JPH3: variants seen among roughly 807,000 people sequenced by gnomAD.
JPH3 encodes the protein junctophilin 3.
A neutral mutation model predicts 59.6 loss-of-function variants in JPH3; 11 were observed. The observed-to-expected ratio is 0.18, with a 90% CI of 0.12 to 0.31. JPH3 has a LOEUF of 0.31. Ranked by LOEUF, JPH3 falls within the 10% of genes least tolerant of loss-of-function variation. The pLI is 1.00. For synonymous variants in JPH3, 673 were observed against 483.6 expected (o/e 1.39, Z -5.14); for missense variants, 1,202 against 1,105.7 (o/e 1.09, Z -1.24).
rs144619092 is a variant in JPH3, at chr16:87,682,425, C to G, written c.1161-1717C>G. On this transcript the variant is annotated intron_variant, in intron 2 of 4. Transcript: ENST00000284262. ...AATCCTCACCACCAGGGCGATGGTG[C>G]TAGGATGTGGGGCCTTTGGGAGGTG... Among the ~76,000 whole-genome samples, 16 of 152,186 alleles carry G rather than the reference C, an allele frequency of 1.1e-4. 1 individual carries two copies. The East Asian group carries it at 2.5e-3, about 24-fold the overall frequency.
chr16:87,686,810 T>G (rs1433321473), intron 3 of JPH3, among the ~76,000 whole-genome samples: 1 of 152,202 alleles, frequency 6.6e-6, no homozygotes, highest in Non-Finnish European at 1.5e-5. Context: ...ACAGTTCTTG[T>G]CTTCATGATA....
chr16:87,604,245 A>G, intron 1 of JPH3: 2 of 1,448,972 alleles, frequency 1.4e-6, no homozygotes, highest in African/African-American at 1.4e-5. Flanking sequence ...CTAAGATGCC[A>G]CCGCATTCGG....
intron 2 of JPH3, among the ~76,000 whole-genome samples, chr16:87,672,757 T>A (rs563535380): frequency 4.9e-4 from 75 of 152,058 alleles, no homozygotes; most frequent in African/African-American, 1.7e-3. Context: ...GCGGAATGGG[T>A]GGTTGATTAA....
At chr16:87,679,189 A>G (rs2033224247) in intron 2 of JPH3, among the ~76,000 whole-genome samples, 1 of 152,152 alleles carries the variant, frequency 6.6e-6, no homozygotes, top group South Asian at 2.1e-4. Context: ...AGTCCGAGAA[A>G]CTGGACCTGC....
At chr16:87,653,068 GC>G (rs149944689) in intron 2 of JPH3, among the ~76,000 whole-genome samples, 10 of 144,806 alleles carry the variant, frequency 6.9e-5, no homozygotes, top group South Asian at 6.3e-4. Flanking sequence ...GTCAGTGCCT[GC>G]GGGGGGGACT....
chr16:87,639,388 G>A (rs963618799), intron 1 of JPH3, among the ~76,000 whole-genome samples: 1 of 152,194 alleles, frequency 6.6e-6, no homozygotes, highest in Non-Finnish European at 1.5e-5. Context: ...CCTGCATGAA[G>A]CTCCTGGTGG....
chr16:87,637,485 C>T (rs2031795228), intron 1 of JPH3, among the ~76,000 whole-genome samples: 2 of 151,660 alleles, frequency 1.3e-5, no homozygotes, highest in South Asian at 4.2e-4. Context: ...TCTCATTTTG[C>T]GCCGGTGTTG....
intron 1 of JPH3, among the ~76,000 whole-genome samples, chr16:87,613,461 C>A (rs1268542861): frequency 6.6e-6 from 1 of 152,044 alleles, no homozygotes; most frequent in African/African-American, 2.4e-5. Context: ...GCTGGGATTA[C>A]AGGTGCCCAC....
intron 2 of JPH3, among the ~76,000 whole-genome samples, chr16:87,658,359 C>A (rs965675468): frequency 6.6e-6 from 1 of 151,616 alleles, no homozygotes; most frequent in African/African-American, 2.4e-5. Context: ...TCTCCTTCTC[C>A]CCGCTTCTCC....
chr16:87,661,783 G>A (rs1268867535), intron 2 of JPH3, among the ~76,000 whole-genome samples: 3 of 152,248 alleles, frequency 2.0e-5, no homozygotes, highest in Non-Finnish European at 4.4e-5. Context: ...CGACTTAGAA[G>A]GGGAACATAC....
intron 2 of JPH3, among the ~76,000 whole-genome samples, chr16:87,649,286 G>A (rs1344607932): frequency 6.6e-6 from 1 of 152,222 alleles, no homozygotes; most frequent in Non-Finnish European, 1.5e-5. Context: ...TCGCCTAGCA[G>A]TGCACCACAG....
chr16:87,638,368 C>T (rs113470963), intron 1 of JPH3, among the ~76,000 whole-genome samples: 5,652 of 152,258 alleles, frequency 0.037, 118 homozygotes, highest in South Asian at 0.054. Flanking sequence ...GTTCACTGGA[C>T]ACCTAAGTGC....
rs183332318 is a variant in JPH3 at position 87,675,778 on chromosome 16, C to T, written c.1161-8364C>T. 1.4e-3 allele frequency among the ~76,000 whole-genome samples: 209 copies of T among 152,318 alleles called. 1 individual carries two copies. Among genetic ancestry groups the T allele is most frequent in the Non-Finnish European group, 1.7e-3 (116 of 68,032 alleles). On this transcript the variant is annotated intron_variant, in intron 2 of 4. Coordinates refer to ENST00000284262, the MANE Select transcript of JPH3 (RefSeq NM_020655.4). ...GGGTGCCTGCTGCCCAGGCCCTGTTCCCCAGCACTGCTTCTGACCCAGGAG... is the reference window on the plus strand; with the variant it reads ...GGGTGCCTGCTGCCCAGGCCCTGTTTCCCAGCACTGCTTCTGACCCAGGAG...
In JPH3 at chr16:87,603,337, C is replaced by T; in HGVS notation, c.191C>T (p.Thr64Ile). Reference sequence around the variant, plus strand: ...CCCAGCGGCAACACGTACCAGGGCACCTGGGCGCAGGGCAAGCGCCACGGC... The same window carrying T: ...CCCAGCGGCAACACGTACCAGGGCATCTGGGCGCAGGGCAAGCGCCACGGC... ...TWPSGNTYQG[T>I]WAQGKRHGIG... Residue 64 changes from threonine to isoleucine, a missense_variant, in exon 1 of 5, where the codon ACC (threonine) becomes ATC (isoleucine). Thr to Ile is a moderately conservative substitution (Grantham distance 89). Coordinates refer to ENST00000284262, the MANE Select transcript of JPH3 (RefSeq NM_020655.4). The T allele has an allele frequency of 6.2e-7, 1 of 1,613,036 alleles. No individual in the cohort carries two copies. Among genetic ancestry groups the T allele is most frequent in the Non-Finnish European group, 8.5e-7 (1 of 1,179,662 alleles).
At chr16:87,678,011 G>A (rs1384204394) in intron 2 of JPH3, among the ~76,000 whole-genome samples, 1 of 152,308 alleles carries the variant, frequency 6.6e-6, no homozygotes, top group East Asian at 1.9e-4. Context: ...CCAGCACTTT[G>A]GGAGGCCAAG....
At chr16:87,672,805 T>G in intron 2 of JPH3, among the ~76,000 whole-genome samples, 1 of 152,138 alleles carries the variant, frequency 6.6e-6, no homozygotes, top group African/African-American at 2.4e-5. Flanking sequence ...TGGGGAAAGG[T>G]AAAGCTGGAT....
At chr16:87,673,185 C>T (rs572089981) in intron 2 of JPH3, among the ~76,000 whole-genome samples, 2 of 151,748 alleles carry the variant, frequency 1.3e-5, no homozygotes, top group Non-Finnish European at 2.9e-5. Flanking sequence ...ATAATAAAAG[C>T]TGGTTTCCTT....
intron 1 of JPH3, among the ~76,000 whole-genome samples, chr16:87,623,373 A>C (rs1260337041): frequency 6.6e-6 from 1 of 152,140 alleles, no homozygotes; most frequent in East Asian, 1.9e-4. Flanking sequence ...CGTGAGGCTC[A>C]TGGGGGGCTC....
intron 2 of JPH3, among the ~76,000 whole-genome samples, chr16:87,652,038 G>A (rs538531250): frequency 2.8e-4 from 43 of 151,012 alleles, no homozygotes; most frequent in African/African-American, 9.0e-4. Context: ...GCAGTGGCAC[G>A]ATCTTGGCTC....
Sources: gnomAD v4.1 joint callset for allele counts (sites outside exome capture counted in the v4.1 genomes callset) on GRCh38, gnomAD v4.1.1 for gene constraint, MANE v1.5 for transcripts, NCBI Gene and HGNC (gene_info 2026-07-23, HGNC 2026-07-21) for gene names.